The following NRXN3 variants were observed in gnomAD, a reference collection of about 807,000 sequenced individuals.
NRXN3 encodes the protein neurexin 3, also known as neurexin III.
Under a neutral mutation model 137.6 loss-of-function variants are expected in NRXN3, and 32 were observed. The ratio of observed to expected loss-of-function variants is 0.23; its 90% CI spans 0.18 to 0.31. The LOEUF is 0.31. NRXN3 is among the 10% of genes least tolerant of loss of function. The probability of loss-of-function intolerance (pLI) is 1.00; values close to 1 mark genes in which losing one functional copy is unlikely to be tolerated. For missense variants in NRXN3, 1,574 were observed against 2,062.5 expected (o/e 0.76, Z 4.59); for synonymous variants, 798 against 784.5 (o/e 1.02, Z -0.29).
Position 79,509,569 on chromosome 14 carries a change from ATATATATGTGTGTATATATG to A in NRXN3, c.3444+42179_3444+42198del, listed in dbSNP as rs1296990094. On this transcript the variant is annotated intron_variant, in intron 16 of 20. Coordinates refer to ENST00000335750, the MANE Select transcript of NRXN3 (RefSeq NM_001330195.2). ...TGTGTGTGTGTGTGCATGTATGTAT[ATATATATGTGTGTATATATG>A]TATATATGTGTATATATGTATATAT... 3.8e-4 allele frequency among the ~76,000 whole-genome samples: 58 copies of A among 151,204 alleles called. 1 individual carries two copies. Among genetic ancestry groups the A allele is most frequent in the Non-Finnish European group, 1.2e-4 (8 of 67,830 alleles).
intron 16 of NRXN3, among the ~76,000 whole-genome samples, chr14:79,507,120 CA>C (rs2096886089): frequency 1.3e-5 from 2 of 152,230 alleles, no homozygotes; most frequent in East Asian, 3.9e-4. Flanking sequence ...GCTCTGTGAA[CA>C]GCTAAAAATA....
At chr14:78,729,377 A>G (rs2098503455) in intron 8 of NRXN3, among the ~76,000 whole-genome samples, 1 of 152,160 alleles carries the variant, frequency 6.6e-6, no homozygotes. Flanking sequence ...AAGAAATGAG[A>G]TGGCTTTTTT....
chr14:78,341,661 A>G (rs1321183662), intron 4 of NRXN3, among the ~76,000 whole-genome samples: 1 of 152,188 alleles, frequency 6.6e-6, no homozygotes, highest in African/African-American at 2.4e-5. Flanking sequence ...GGTGCAAGGA[A>G]GGGAAGGCTT....
At chr14:79,466,076 GA>G (rs2096418336) in intron 15 of NRXN3, among the ~76,000 whole-genome samples, 1 of 152,038 alleles carries the variant, frequency 6.6e-6, no homozygotes, top group Non-Finnish European at 1.5e-5. Context: ...AGTTCATATG[GA>G]TAATAGTAAA....
intron 16 of NRXN3, among the ~76,000 whole-genome samples, chr14:79,633,060 ATAG>A: frequency 6.6e-6 from 1 of 151,816 alleles, no homozygotes; most frequent in East Asian, 1.9e-4. Context: ...CAGCCAAATA[ATAG>A]TAATTGGCAG....
At chr14:78,749,213 C>A (rs1375485156) in intron 8 of NRXN3, among the ~76,000 whole-genome samples, 2 of 152,124 alleles carry the variant, frequency 1.3e-5, no homozygotes, top group Non-Finnish European at 2.9e-5. Context: ...GACATGGGCC[C>A]TGTGGTAAAG....
At chr14:79,337,560 T>G (rs1173161987) in intron 15 of NRXN3, among the ~76,000 whole-genome samples, 4 of 152,236 alleles carry the variant, frequency 2.6e-5, no homozygotes, top group Non-Finnish European at 5.9e-5. Context: ...ATAAGTCTTA[T>G]TTCCAAAATT....
intron 10 of NRXN3, among the ~76,000 whole-genome samples, chr14:78,939,247 G>A (rs1429092293): frequency 1.3e-5 from 2 of 152,138 alleles, no homozygotes; most frequent in African/African-American, 2.4e-5. Context: ...TGCCCCAGAG[G>A]TCATGGAACA....
chr14:79,259,625 A>G (rs1050472578), intron 15 of NRXN3, among the ~76,000 whole-genome samples: 2 of 148,026 alleles, frequency 1.4e-5, no homozygotes, highest in African/African-American at 4.9e-5. Flanking sequence ...ATGGTTATCT[A>G]TATAGCTATA....
chr14:79,444,960 A>G (rs531893028), intron 15 of NRXN3, among the ~76,000 whole-genome samples: 22 of 152,354 alleles, frequency 1.4e-4, no homozygotes, highest in Admixed American at 5.2e-4. Flanking sequence ...AGCCCTGATG[A>G]CTATATGGCA....
chr14:78,857,857 G>A (rs1168583705), intron 10 of NRXN3, among the ~76,000 whole-genome samples: 1 of 152,126 alleles, frequency 6.6e-6, no homozygotes, highest in Admixed American at 6.6e-5. Flanking sequence ...TAAAAAATGT[G>A]GAAGGGTGGT....
intron 10 of NRXN3, among the ~76,000 whole-genome samples, chr14:78,924,297 T>G (rs1307827447): frequency 1.3e-5 from 2 of 152,238 alleles, no homozygotes; most frequent in African/African-American, 4.8e-5. Flanking sequence ...ACAATTATTA[T>G]GGGCTTAGTA....
intron 4 of NRXN3, among the ~76,000 whole-genome samples, chr14:78,437,982 A>G (rs894008653): frequency 3.3e-5 from 5 of 152,146 alleles, no homozygotes; most frequent in African/African-American, 9.7e-5. Flanking sequence ...CTGGTGTTGA[A>G]GATGGACTTG....
intron 6 of NRXN3, chr14:78,695,803 T>C (rs1389826723): frequency 6.6e-6 from 1 of 152,038 alleles, no homozygotes; most frequent in Non-Finnish European, 1.5e-5. Context: ...GGGTCTAAGT[T>C]GTCACTGGGA....
intron 16 of NRXN3, among the ~76,000 whole-genome samples, chr14:79,574,078 T>C (rs1303077718): frequency 1.3e-5 from 2 of 152,036 alleles, no homozygotes; most frequent in Non-Finnish European, 2.9e-5. Flanking sequence ...TGATGTTAAG[T>C]AGAATTAGTA....
intron 17 of NRXN3, among the ~76,000 whole-genome samples, chr14:79,688,575 T>C (rs1253436235): frequency 6.6e-6 from 1 of 152,208 alleles, no homozygotes; most frequent in Non-Finnish European, 1.5e-5. Flanking sequence ...AATTGATGTA[T>C]ATTGAGGCCT....
intron 19 of NRXN3, among the ~76,000 whole-genome samples, chr14:79,779,006 A>G (rs957564316): frequency 2.0e-5 from 3 of 152,252 alleles, no homozygotes; most frequent in African/African-American, 7.2e-5. Context: ...AAATGGTGAC[A>G]TATTTCCTAA....
intron 15 of NRXN3, among the ~76,000 whole-genome samples, chr14:79,058,922 C>T (rs1272950080): frequency 1.3e-5 from 2 of 152,162 alleles, no homozygotes; most frequent in African/African-American, 2.4e-5. Context: ...GTGATTGTAA[C>T]TTTCCTGAGG....
At chr14:78,462,340 C>A (rs1226145291) in intron 4 of NRXN3, among the ~76,000 whole-genome samples, 1 of 152,184 alleles carries the variant, frequency 6.6e-6, no homozygotes, top group East Asian at 1.9e-4. Flanking sequence ...CCTAGGGTGG[C>A]TGTCACCAGG....
Sources: allele counts gnomAD v4.1 joint callset (sites outside exome capture counted in the v4.1 genomes callset), GRCh38; gene constraint gnomAD v4.1.1; transcripts MANE v1.5; gene names NCBI Gene and HGNC (gene_info 2026-07-23, HGNC 2026-07-21).